Variants in SLC22A23 observed in about 807,000 individuals in gnomAD.
The protein encoded by SLC22A23 is solute carrier family 22 member 23, also known as ion transporter protein.
SLC22A23 carries 26 observed loss-of-function variants against 61.0 expected under a neutral mutation model. That is an observed-to-expected ratio of 0.43 (90% CI 0.31 to 0.59). The LOEUF is 0.59. Ranked by LOEUF, SLC22A23 falls within the 20% of genes least tolerant of loss-of-function variation. The pLI, the probability that SLC22A23 is intolerant of heterozygous loss-of-function variation, is 0.11. For synonymous variants in SLC22A23, 430 were observed against 413.9 expected, an observed-to-expected ratio of 1.04 and a Z score of -0.47; for missense variants, 796 against 934.7, an observed-to-expected ratio of 0.85 and a Z score of 1.94.
At position 3,329,303 on chromosome 6, in the gene SLC22A23, C is replaced by A. The variant is rs1050247280; in HGVS notation, c.914-5301G>T. Among the ~76,000 whole-genome samples the A allele has an allele frequency of 9.9e-5, 15 of 152,126 alleles. No individual in the cohort carries two copies. The highest frequency in any genetic ancestry group is 3.1e-4 in the African/African-American group (13 of 41,512). ...TCCCATAATGCACAAATGAATAAAA[C>A]ACAACACTTATTCTTCCTTAAATAC... On this transcript the variant is annotated intron_variant, in intron 3 of 9. Coordinates refer to ENST00000406686, the MANE Select transcript of SLC22A23 (RefSeq NM_015482.2). This position sits in a 1 kb window ranked among gnomAD's most constrained non-coding sequence, Gnocchi z 4.8.
At chr6:3,374,159 A>G (rs548848721) in intron 3 of SLC22A23, among the ~76,000 whole-genome samples, 110 of 152,326 alleles carry the variant, frequency 7.2e-4, no homozygotes, top group Non-Finnish European at 1.4e-3. Flanking sequence ...CTTTACCTAC[A>G]TCTTTTTCTT....
chr6:3,410,394 C>A lies in SLC22A23; in HGVS notation c.759-52G>T. The A allele has an allele frequency of 6.6e-7, 1 of 1,510,754 alleles. No homozygotes were observed. The highest frequency in any genetic ancestry group is 8.9e-7 in the Non-Finnish European group (1 of 1,125,770). 93.6% of individuals were successfully genotyped at this position (1,510,754 alleles called of 1,614,324 possible). A position where few individuals can be genotyped will look rare whatever the true frequency, so the allele number is the denominator to read the frequency against. The stretch of plus-strand genomic sequence containing the variant: ...GAATCATTGTGAAACAAGACAATGA[C>A]GCTAGATGCTGAAACCCGGTGTCCA... On this transcript the variant is annotated intron_variant, in intron 2 of 9. Transcript: ENST00000406686. This position sits in a 1 kb window ranked among gnomAD's most constrained non-coding sequence, Gnocchi z 5.0.
At chr6:3,397,832 CG>C (rs1169926889) in intron 3 of SLC22A23, among the ~76,000 whole-genome samples, 2 of 152,094 alleles carry the variant, frequency 1.3e-5, no homozygotes, top group African/African-American at 4.8e-5. Flanking sequence ...TCTTACACTC[CG>C]GGGCTGTATA....
chr6:3,299,263 C>T (rs138786266), intron 4 of SLC22A23, among the ~76,000 whole-genome samples: 26 of 152,282 alleles, frequency 1.7e-4, no homozygotes, highest in South Asian at 4.1e-4. Context: ...AAACAATTCA[C>T]GGAAGCCTGC....
intron 1 of SLC22A23, among the ~76,000 whole-genome samples, chr6:3,423,819 G>A (rs1444526805): frequency 3.3e-5 from 5 of 152,260 alleles, no homozygotes; most frequent in Admixed American, 2.0e-4. Flanking sequence ...GAGCCGGACT[G>A]TAGCATTAAC....
Position 3,361,305 on chromosome 6 carries a change from T to C in SLC22A23, c.914-37303A>G, listed in dbSNP as rs867263118. ...AGACTCCTACATCATTCTTTTTTTT[T>C]TTTTTTTTAAGGAATTGGGTCCCTT... On this transcript the variant is annotated intron_variant, in intron 3 of 9. Coordinates refer to ENST00000406686, the MANE Select transcript of SLC22A23 (RefSeq NM_015482.2). Among the ~76,000 whole-genome samples the C allele has an allele frequency of 6.4e-3, 976 of 152,060 alleles. 8 individuals carry two copies. The highest frequency in any genetic ancestry group is 0.013 in the South Asian group (64 of 4,786).
At chr6:3,431,511 G>T (rs1427028615) in intron 1 of SLC22A23, among the ~76,000 whole-genome samples, 1 of 152,180 alleles carries the variant, frequency 6.6e-6, no homozygotes, top group African/African-American at 2.4e-5. Flanking sequence ...TCAATTAACA[G>T]GTTGAAGTTA....
rs565439985 is a variant in SLC22A23 at position 3,297,757 on chromosome 6, G to A, written c.1210+334C>T. Among the ~76,000 whole-genome samples, 11 of 152,322 alleles carry A rather than the reference G, an allele frequency of 7.2e-5. No homozygotes were observed. Among genetic ancestry groups the A allele is most frequent in the South Asian group, 2.1e-4 (1 of 4,822 alleles). On this transcript the variant is annotated intron_variant, in intron 5 of 9. Coordinates refer to ENST00000406686, the MANE Select transcript of SLC22A23 (RefSeq NM_015482.2). This position sits in a 1 kb window ranked among gnomAD's most constrained non-coding sequence, Gnocchi z 4.3. The stretch of plus-strand genomic sequence containing the variant: ...GGGGCCATCTACACCCTGAGCCAGC[G>A]CTCTGGCAGTGTTTAGACCTGGCAG...
intron 3 of SLC22A23, among the ~76,000 whole-genome samples, chr6:3,353,005 A>G (rs1764869026): frequency 6.6e-6 from 1 of 152,200 alleles, no homozygotes; most frequent in African/African-American, 2.4e-5. Context: ...AAAATACTAC[A>G]GTGATTATAT....
intron 4 of SLC22A23, among the ~76,000 whole-genome samples, chr6:3,311,196 TC>T (rs1762349714): frequency 6.6e-6 from 1 of 152,094 alleles, no homozygotes; most frequent in East Asian, 1.9e-4. Flanking sequence ...AAATAGGCCT[TC>T]CCATCAAAGA....
At chr6:3,444,983 G>T (rs1247185979) in intron 1 of SLC22A23, 1 of 985,394 alleles carries the variant, frequency 1.0e-6, no homozygotes, top group Admixed American at 6.1e-5. Flanking sequence ...AGGAAGGAAG[G>T]CACCTGAGGC....
At chr6:3,381,987 T>C (rs1276464401) in intron 3 of SLC22A23, among the ~76,000 whole-genome samples, 1 of 152,208 alleles carries the variant, frequency 6.6e-6, no homozygotes, top group Non-Finnish European at 1.5e-5. Flanking sequence ...TCCGCCTCAC[T>C]TACCCTGATG....
intron 9 of SLC22A23, among the ~76,000 whole-genome samples, chr6:3,280,171 T>G (rs1430257147): frequency 6.6e-6 from 1 of 152,246 alleles, no homozygotes; most frequent in African/African-American, 2.4e-5. Flanking sequence ...TGTCCTGTGC[T>G]GAGCCCAGGC....
intron 3 of SLC22A23, among the ~76,000 whole-genome samples, chr6:3,409,401 T>A (rs1212060702): frequency 6.6e-6 from 1 of 152,246 alleles, no homozygotes; most frequent in Non-Finnish European, 1.5e-5. Context: ...ATTCTTATGT[T>A]GTCACACTGG....
chr6:3,412,253 A>T (rs1366574150), intron 2 of SLC22A23, among the ~76,000 whole-genome samples: 1 of 152,238 alleles, frequency 6.6e-6, no homozygotes, highest in Non-Finnish European at 1.5e-5. Context: ...GGCTAAAATC[A>T]ACAAGTAAAA....
rs1758568027 is a variant in SLC22A23 at position 3,272,939 on chromosome 6, G to GAGGCTCAGCTT, written c.*105_*115dup. ...GACAGGATTTCCCCACACCAGTTGA[G>GAGGCTCAGCTT]AGGCTCAGCTTGGCTGAGGCAGCTT... is the stretch of plus-strand genomic sequence containing the variant. On this transcript the variant is annotated 3_prime_UTR_variant, in exon 10 of 10. Coordinates refer to ENST00000406686, the MANE Select transcript of SLC22A23 (RefSeq NM_015482.2). 1 of 927,738 alleles carries GAGGCTCAGCTT rather than the reference G, an allele frequency of 1.1e-6. No individual in the cohort carries two copies. Among genetic ancestry groups the GAGGCTCAGCTT allele is most frequent in the African/African-American group, 1.7e-5 (1 of 60,322 alleles). The allele number at this position is 927,738 out of a possible 1,614,324, so 57.5% of individuals were successfully genotyped here. A position where few individuals can be genotyped will look rare whatever the true frequency, so the allele number is the denominator to read the frequency against.
rs1767397782 is a variant in SLC22A23, at chr6:3,387,688, C to T, written c.913+22500G>A. Among the ~76,000 whole-genome samples the T allele has an allele frequency of 6.6e-6, 1 of 152,240 alleles. No homozygotes were observed. The highest frequency in any genetic ancestry group is 1.5e-5 in the Non-Finnish European group (1 of 68,048). ...TCTCTGTACTGCCTTTGCCATTCCT[C>T]TGTAAGTCTAAAATTATTTTAACTG... is the stretch of plus-strand genomic sequence containing the variant. On this transcript the variant is annotated intron_variant, in intron 3 of 9. Transcript: ENST00000406686. This position sits in a 1 kb window ranked among gnomAD's most constrained non-coding sequence, Gnocchi z 5.0.
chr6:3,438,494 G>A (rs970494269), intron 1 of SLC22A23: 15 of 456,548 alleles, frequency 3.3e-5, no homozygotes, highest in South Asian at 9.3e-5. Flanking sequence ...GTTCAGCTCC[G>A]GCCTCCAGCG....
chr6:3,371,433 AT>A (rs1019578105), intron 3 of SLC22A23, among the ~76,000 whole-genome samples: 2 of 152,092 alleles, frequency 1.3e-5, no homozygotes, highest in African/African-American at 4.8e-5. Context: ...TGAGCTTTTG[AT>A]TTTTTTTCTC....
Sources: allele counts gnomAD v4.1 joint callset (sites outside exome capture counted in the v4.1 genomes callset), GRCh38; gene constraint gnomAD v4.1.1; non-coding constraint Gnocchi (gnomAD v3.1); transcripts MANE v1.5; gene names NCBI Gene and HGNC (gene_info 2026-07-23, HGNC 2026-07-21).